The following ANGPT1 variants were observed in gnomAD, a reference collection of about 807,000 sequenced individuals.
ANGPT1 encodes the protein angiopoietin 1.
A neutral mutation model predicts 62.2 loss-of-function variants in ANGPT1; 17 were observed. That is an observed-to-expected ratio of 0.27 (90% CI 0.19 to 0.41). The LOEUF is 0.41. ANGPT1 is among the 10% of genes least tolerant of loss of function. The probability of loss-of-function intolerance (pLI) is 1.00; values close to 1 mark genes in which losing one functional copy is unlikely to be tolerated. For synonymous variants in ANGPT1, 199 were observed against 198.9 expected (o/e 1.00, Z 0.00); for missense variants, 478 against 594.9 (o/e 0.80, Z 2.04).
intron 1 of ANGPT1, among the ~76,000 whole-genome samples, chr8:107,467,720 T>C (rs1193338860): frequency 1.3e-5 from 2 of 151,920 alleles, no homozygotes; most frequent in Admixed American, 6.6e-5. Context: ...ACAATGGCAA[T>C]TAAGAACAGA....
chr8:107,282,799 C>T (rs1054013010), intron 7 of ANGPT1, among the ~76,000 whole-genome samples: 1 of 151,700 alleles, frequency 6.6e-6, no homozygotes, highest in Non-Finnish European at 1.5e-5. Context: ...CAAAATCACA[C>T]AGATGTCAAA....
At chr8:107,457,103 A>G (rs1811939505) in intron 1 of ANGPT1, among the ~76,000 whole-genome samples, 1 of 152,094 alleles carries the variant, frequency 6.6e-6, no homozygotes, top group South Asian at 2.1e-4. Context: ...TCATAACTCT[A>G]CTAGTATGAA....
intron 7 of ANGPT1, 177 bp downstream of exon 7, chr8:107,284,505 A>C (rs1267322589): frequency 2.1e-6 from 1 of 468,842 alleles, no homozygotes. Context: ...CTGAAATTTA[A>C]ATCTTTGAAA....
chr8:107,303,140 T>C lies in ANGPT1; in HGVS notation c.936+100A>G, dbSNP rs974209695. The C allele has an allele frequency of 3.6e-6, 5 of 1,395,446 alleles. No homozygotes were observed. In the African/African-American group the frequency reaches 4.4e-5, roughly 12 times the overall value. The allele number at this position is 1,395,446 out of a possible 1,614,324, so 86.4% of individuals were successfully genotyped here. ...GGAGAAAAAAGTTCAGGCATCTCTA[T>C]ATATATTTCCAGTTTAACAAGCTCA... On this transcript the variant is annotated intron_variant, in intron 5 of 8. Coordinates refer to ENST00000517746, the MANE Select transcript of ANGPT1 (RefSeq NM_001146.5).
intron 1 of ANGPT1, among the ~76,000 whole-genome samples, chr8:107,388,432 AAAAT>A (rs145224266): frequency 0.47 from 71,544 of 150,880 alleles, 18,788 homozygotes; most frequent in Non-Finnish European, 0.59. Context: ...TTTTTTAATA[AAAAT>A]AAATAAATAA....
intron 5 of ANGPT1, among the ~76,000 whole-genome samples, chr8:107,295,857 G>A (rs908591889): frequency 6.6e-6 from 1 of 152,060 alleles, no homozygotes; most frequent in Non-Finnish European, 1.5e-5. Context: ...TGCTTGTTAA[G>A]GACCAAATAA....
chr8:107,390,771 T>C (rs1400981445), intron 1 of ANGPT1, among the ~76,000 whole-genome samples: 1 of 152,192 alleles, frequency 6.6e-6, no homozygotes, highest in African/African-American at 2.4e-5. Context: ...ACTACCATTA[T>C]ACCCATTTTT....
chr8:107,456,481 G>C (rs772161939), intron 1 of ANGPT1, among the ~76,000 whole-genome samples: 27 of 151,992 alleles, frequency 1.8e-4, no homozygotes, highest in Non-Finnish European at 3.1e-4. Context: ...AAGTCACATT[G>C]ACTCAAAGTA....
intron 3 of ANGPT1, among the ~76,000 whole-genome samples, chr8:107,329,053 A>C (rs1815357196): frequency 6.6e-6 from 1 of 152,042 alleles, no homozygotes; most frequent in Non-Finnish European, 1.5e-5. Flanking sequence ...TATGAAATAA[A>C]TAGTAGAAAA....
At chr8:107,340,819 A>G (rs1815681327) in intron 2 of ANGPT1, among the ~76,000 whole-genome samples, 1 of 152,014 alleles carries the variant, frequency 6.6e-6, no homozygotes, top group African/African-American at 2.4e-5. Flanking sequence ...CGACTCATTA[A>G]CTTTGAAATA....
chr8:107,365,025 C>G (rs1431363096), intron 1 of ANGPT1, among the ~76,000 whole-genome samples: 1 of 152,080 alleles, frequency 6.6e-6, no homozygotes, highest in Non-Finnish European at 1.5e-5. Context: ...GAACATCTGA[C>G]TTCAAGGAAT....
chr8:107,466,729 T>C (rs763032019), intron 1 of ANGPT1, among the ~76,000 whole-genome samples: 40 of 151,960 alleles, frequency 2.6e-4, no homozygotes, highest in Non-Finnish European at 5.0e-4. Flanking sequence ...CTGGCCAATA[T>C]GGTGAAACCC....
chr8:107,385,012 A>G (rs1232396654), intron 1 of ANGPT1, among the ~76,000 whole-genome samples: 1 of 152,048 alleles, frequency 6.6e-6, no homozygotes, highest in Non-Finnish European at 1.5e-5. Flanking sequence ...TATTTTAGTT[A>G]CTGTAGCCTT....
At chr8:107,411,846 T>A (rs983227694) in intron 1 of ANGPT1, among the ~76,000 whole-genome samples, 1 of 152,122 alleles carries the variant, frequency 6.6e-6, no homozygotes, top group African/African-American at 2.4e-5. Flanking sequence ...TCTCTCTTTC[T>A]TCTATAATCT....
chr8:107,456,914 T>C (rs1811934795), intron 1 of ANGPT1, among the ~76,000 whole-genome samples: 1 of 152,088 alleles, frequency 6.6e-6, no homozygotes, highest in Non-Finnish European at 1.5e-5. Flanking sequence ...AAAGTTCCTG[T>C]CCTTACACTC....
At chr8:107,259,024 T>A (rs2514874) in intron 8 of ANGPT1, among the ~76,000 whole-genome samples, 2 of 152,196 alleles carry the variant, frequency 1.3e-5, no homozygotes, top group Admixed American at 1.3e-4. Flanking sequence ...GTGGACAGCA[T>A]AAAATCCCTG....
chr8:107,343,095 C>A lies in ANGPT1; in HGVS notation c.453+3847G>T, dbSNP rs576314816. Among the ~76,000 whole-genome samples, 7 of 151,290 alleles carry A rather than the reference C, an allele frequency of 4.6e-5. No homozygotes were observed. In the South Asian group the frequency reaches 1.5e-3, roughly 32 times the overall value. ...AGTCATTTTTCCACCTGGCTCTTCC[C>A]TAAAGTGCTGAGATTTTAGGTGCGG... is the stretch of plus-strand genomic sequence containing the variant. On this transcript the variant is annotated intron_variant, in intron 2 of 8. Coordinates refer to ENST00000517746, the MANE Select transcript of ANGPT1 (RefSeq NM_001146.5).
intron 1 of ANGPT1, among the ~76,000 whole-genome samples, chr8:107,442,628 T>C (rs1811513315): frequency 6.6e-6 from 1 of 152,176 alleles, no homozygotes; most frequent in South Asian, 2.1e-4. Flanking sequence ...ATATTTCTCA[T>C]AGGATGACCC....
intron 1 of ANGPT1, among the ~76,000 whole-genome samples, chr8:107,447,140 C>T (rs913993653): frequency 6.6e-6 from 1 of 152,166 alleles, no homozygotes; most frequent in African/African-American, 2.4e-5. Flanking sequence ...ACTATGATCC[C>T]TCACTGCATT....
Sources: gnomAD v4.1 joint callset for allele counts (sites outside exome capture counted in the v4.1 genomes callset) on GRCh38, gnomAD v4.1.1 for gene constraint, MANE v1.5 for transcripts, NCBI Gene and HGNC (gene_info 2026-07-23, HGNC 2026-07-21) for gene names.